ATRX: variants seen among roughly 807,000 people sequenced by gnomAD.
ATRX encodes ATRX chromatin remodeler.
ATRX carries 12 observed loss-of-function variants against 172.6 expected under a neutral mutation model. The observed-to-expected ratio is 0.07, with a 90% CI of 0.04 to 0.11. The LOEUF (loss-of-function observed/expected upper bound fraction) is 0.11. ATRX is among the 10% of genes least tolerant of loss of function. The pLI, the probability that ATRX is intolerant of heterozygous loss-of-function variation, is 1.00. For synonymous variants in ATRX, 674 were observed against 594.7 expected, an observed-to-expected ratio of 1.13 and a Z score of -1.94; for missense variants, 1,368 against 1,767.4, an observed-to-expected ratio of 0.77 and a Z score of 4.05.
intron 15 of ATRX, among the ~76,000 whole-genome samples, chrX:77,636,666 T>C (rs1267288529): frequency 5.5e-5 from 6 of 109,829 alleles, no homozygotes; most frequent in Admixed American, 9.8e-5. Flanking sequence ...ATAATGTCAG[T>C]AATTTAGCTC....
intron 17 of ATRX, 134 bp from the exon 18 acceptor site, chrX:77,633,846 A>G: frequency 1.6e-6 from 1 of 643,817 alleles, no homozygotes; most frequent in Non-Finnish European, 2.4e-6. Flanking sequence ...GGCAAGGCAC[A>G]GGGAAAGAGA....
chrX:77,522,523 C>T (rs1557041990), intron 31 of ATRX, 135 bp from the exon 32 acceptor site: 1 of 699,765 alleles, frequency 1.4e-6, no homozygotes, highest in African/African-American at 2.2e-5. Flanking sequence ...ACAAACAAAA[C>T]ACCCTTTTCA....
chrX:77,586,079 A>G (rs1356035210), intron 27 of ATRX, among the ~76,000 whole-genome samples: 4 of 111,973 alleles, frequency 3.6e-5, no homozygotes, highest in Non-Finnish European at 7.5e-5. Context: ...AATTGCTAGC[A>G]CAACAGGGTG....
chrX:77,673,647 C>T (rs1557132077), intron 10 of ATRX, among the ~76,000 whole-genome samples: 1 of 110,458 alleles, frequency 9.1e-6, no homozygotes, highest in Non-Finnish European at 1.9e-5. Flanking sequence ...TAATAGCATG[C>T]TAAAACAGAA....
intron 28 of ATRX, among the ~76,000 whole-genome samples, chrX:77,568,661 G>A (rs782404418): frequency 2.7e-5 from 3 of 111,432 alleles, no homozygotes; most frequent in South Asian, 3.8e-4. Context: ...ATGACAACAC[G>A]AAAACAACTG....
intron 2 of ATRX, among the ~76,000 whole-genome samples, chrX:77,713,455 G>A (rs2073211572): frequency 9.0e-6 from 1 of 111,128 alleles, no homozygotes; most frequent in African/African-American, 3.3e-5. Flanking sequence ...GTAGGGCTGG[G>A]GAACAGAGAA....
intron 1 of ATRX, among the ~76,000 whole-genome samples, chrX:77,729,910 C>T (rs2074226254): frequency 1.8e-5 from 2 of 111,907 alleles, no homozygotes; most frequent in Non-Finnish European, 3.8e-5. Flanking sequence ...GCACTCCAGC[C>T]TGGGCAACAG....
At chrX:77,533,467 G>T (rs1426374927) in intron 30 of ATRX, among the ~76,000 whole-genome samples, 6 of 112,129 alleles carry the variant, frequency 5.4e-5, no homozygotes, top group African/African-American at 1.9e-4. Flanking sequence ...AAAGGAACAA[G>T]ATCATGTCCT....
chrX:77,736,916 C>A (rs2074594698), intron 1 of ATRX, among the ~76,000 whole-genome samples: 1 of 111,526 alleles, frequency 9.0e-6, no homozygotes, highest in African/African-American at 3.3e-5. Flanking sequence ...CCGTCATTTG[C>A]AACAACATGG....
At position 77,682,293 on chromosome X, in the gene ATRX, C is replaced by T; in HGVS notation, c.2963G>A (p.Gly988Glu). 1 of 1,198,057 alleles carries T rather than the reference C, an allele frequency of 8.3e-7. No individual in the cohort carries two copies. Among genetic ancestry groups the T allele is most frequent in the South Asian group, 1.9e-5 (1 of 53,489 alleles). The change falls in exon 9 of 35, where the codon GGA becomes GAA. Residue 988 changes from glycine to glutamate, a missense_variant. By Grantham distance (98) the Gly-to-Glu change is moderately conservative. Transcript: ENST00000373344. ...TGAAGGTTTCTTTTTTTCTTCAGTT[C>T]CCTTTTTGCTCTGCTTTTTATCATC... is the stretch of plus-strand genomic sequence containing the variant. ...SEDDKKQSKK[G>E]TEEKKKPSDF...
rs2070748605 is a variant in ATRX at position 77,674,035 on chromosome X, A to C, written c.3809+2191T>G. On this transcript the variant is annotated intron_variant, in intron 10 of 34. Coordinates refer to ENST00000373344, the MANE Select transcript of ATRX (RefSeq NM_000489.6). The stretch of plus-strand genomic sequence containing the variant: ...TATCGCTTCATAAACACCAACACTG[A>C]AAATGTATTACAATACTGCTAAAAA... The C allele has an allele frequency of 1.8e-5, 2 of 111,513 alleles. 1 individual carries two copies. The highest frequency in any genetic ancestry group is 7.3e-4 in the South Asian group (2 of 2,728). The allele number at this position is 111,513 out of a possible 1,213,427, so 9.2% of individuals were successfully genotyped here.
intron 30 of ATRX, among the ~76,000 whole-genome samples, chrX:77,550,905 C>G (rs1421316202): frequency 9.0e-6 from 1 of 111,509 alleles, no homozygotes; most frequent in African/African-American, 3.3e-5. Flanking sequence ...ATCCAACTTA[C>G]AAGGGATGTG....
intron 12 of ATRX, among the ~76,000 whole-genome samples, chrX:77,659,486 C>CT (rs2069748978): frequency 1.7e-5 from 1 of 60,426 alleles, no homozygotes; most frequent in Admixed American, 1.6e-4. Flanking sequence ...TCTCTCTACA[C>CT]ACACACACAC....
chrX:77,663,682 A>G, intron 11 of ATRX, 124 bp from the exon 12 acceptor site: 1 of 547,341 alleles, frequency 1.8e-6, no homozygotes, highest in Non-Finnish European at 3.0e-6. Context: ...ATACTTTGGT[A>G]TCATTGGTGT....
chrX:77,589,422 A>C (rs781877344), intron 27 of ATRX, among the ~76,000 whole-genome samples: 2 of 112,199 alleles, frequency 1.8e-5, no homozygotes, highest in Non-Finnish European at 3.8e-5. Flanking sequence ...GATGTGAATT[A>C]TCTCTCAATA....
chrX:77,617,702 T>G (rs1171777447), intron 21 of ATRX, among the ~76,000 whole-genome samples: 1 of 110,379 alleles, frequency 9.1e-6, no homozygotes, highest in Non-Finnish European at 1.9e-5. Context: ...AATCATCCAT[T>G]TTTTTCTTAA....
At chrX:77,731,516 A>G (rs2074296632) in intron 1 of ATRX, among the ~76,000 whole-genome samples, 1 of 111,859 alleles carries the variant, frequency 8.9e-6, no homozygotes, top group Non-Finnish European at 1.9e-5. Flanking sequence ...CCCACAGCCC[A>G]AAGTGAAAAC....
intron 27 of ATRX, among the ~76,000 whole-genome samples, chrX:77,586,438 T>C (rs1305968555): frequency 8.9e-6 from 1 of 111,969 alleles, no homozygotes; most frequent in African/African-American, 3.2e-5. Flanking sequence ...GACAGAAACA[T>C]AGCCATCAGT....
At chrX:77,552,504 C>G (rs1271084828) in intron 30 of ATRX, among the ~76,000 whole-genome samples, 2 of 107,052 alleles carry the variant, frequency 1.9e-5, no homozygotes, top group African/African-American at 6.8e-5. Flanking sequence ...GGAGATATAC[C>G]TAACCTAGAC....
Sources: allele counts gnomAD v4.1 joint callset (sites outside exome capture counted in the v4.1 genomes callset), GRCh38; gene constraint gnomAD v4.1.1; transcripts MANE v1.5; gene names NCBI Gene and HGNC (gene_info 2026-07-23, HGNC 2026-07-21).